Variants in CLMN observed in about 807,000 individuals in gnomAD.
CLMN encodes the protein calmin, also known as calmin (calponin-like, transmembrane).
CLMN carries 57 observed loss-of-function variants against 92.7 expected under a neutral mutation model. The observed-to-expected ratio is 0.61, with a 90% CI of 0.50 to 0.77. The LOEUF is 0.77. CLMN is among the 30% of genes least tolerant of loss of function. The probability of loss-of-function intolerance (pLI) is 0.00; values close to 1 mark genes in which losing one functional copy is unlikely to be tolerated. For missense variants in CLMN, 1,158 were observed against 1,237.5 expected, an observed-to-expected ratio of 0.94 and a Z score of 0.96; for synonymous variants, 466 against 470.6, an observed-to-expected ratio of 0.99 and a Z score of 0.13.
chr14:95,210,714 C>T lies in CLMN; in HGVS notation c.774G>A (p.Leu258=). 6.2e-7 allele frequency: 1 copy of T among 1,607,360 alleles called. No homozygotes were observed. Among genetic ancestry groups the T allele is most frequent in the Non-Finnish European group, 8.5e-7 (1 of 1,177,268 alleles). The change falls in exon 7 of 13, where the codon CTG becomes CTA. Residue 258 remains leucine, a synonymous_variant. Coordinates refer to ENST00000298912, the MANE Select transcript of CLMN (RefSeq NM_024734.4). ...CTGGCTCCAGGAGCCTGGGGATGTG[C>T]AGGGCATCCTGTGCGATGCTGAAAG... ...EKAFSIAQDA[L]HIPRLLEPED...
Position 95,186,276 on chromosome 14 carries a change from AT to A in CLMN, c.*5287del. ...AGTGCCTCTGCCTTCCCTCTGTTCC[AT>A]CCTGATAAAGAGCAGGCATGCACTG... On this transcript the variant is annotated 3_prime_UTR_variant, in exon 13 of 13. Transcript: ENST00000298912. The A allele has an allele frequency of 6.6e-6, 1 of 152,460 alleles. No homozygotes were observed. Among genetic ancestry groups the A allele is most frequent in the South Asian group, 2.1e-4 (1 of 4,826 alleles). The allele number at this position is 152,460 out of a possible 1,614,324, so 9.4% of individuals were successfully genotyped here. A position where few individuals can be genotyped will look rare whatever the true frequency, so the allele number is the denominator to read the frequency against.
At chr14:95,297,176 G>A (rs1900841240) in intron 1 of CLMN, among the ~76,000 whole-genome samples, 1 of 152,190 alleles carries the variant, frequency 6.6e-6, no homozygotes, top group Non-Finnish European at 1.5e-5. Flanking sequence ...GCTCAGTGGA[G>A]TTCCTGTGGT....
chr14:95,257,484 A>G (rs1899046635), intron 1 of CLMN, among the ~76,000 whole-genome samples: 1 of 152,252 alleles, frequency 6.6e-6, no homozygotes, highest in Admixed American at 6.5e-5. Flanking sequence ...GAATCTCATT[A>G]ATTCAAATTA....
intron 9 of CLMN, 140 bp from the exon 10 acceptor site, chr14:95,196,834 T>G: frequency 1.4e-6 from 1 of 735,794 alleles, no homozygotes; most frequent in Non-Finnish European, 2.2e-6. Context: ...TCTTCATGAA[T>G]CCCCTGCAGC....
At chr14:95,281,847 T>C (rs1332804382) in intron 1 of CLMN, among the ~76,000 whole-genome samples, 1 of 152,224 alleles carries the variant, frequency 6.6e-6, no homozygotes, top group Admixed American at 6.5e-5. Flanking sequence ...TGTCACCTAT[T>C]GTCAGAAGTC....
chr14:95,241,767 T>C (rs752975614), intron 1 of CLMN, among the ~76,000 whole-genome samples: 40 of 152,200 alleles, frequency 2.6e-4, no homozygotes, highest in Non-Finnish European at 5.0e-4. Flanking sequence ...ATGCATTCAT[T>C]TGAAAACAAA....
At position 95,203,433 on chromosome 14, in the gene CLMN, GCTT is replaced by G. The variant is rs1896946789; in HGVS notation, c.1913_1915del (p.Glu638del). On this transcript the variant is annotated inframe_deletion, in exon 9 of 13. Transcript: ENST00000298912. ...TTCTGGGGCTGAAGGACAGCCTTCA[GCTT>G]CTTCTCCGGAGTCCTGATGAGGTTC... 1.2e-6 allele frequency: 2 copies of G among 1,614,030 alleles called. No individual in the cohort carries two copies. Among genetic ancestry groups the G allele is most frequent in the African/African-American group, 2.7e-5 (2 of 74,892 alleles).
At chr14:95,270,547 T>C (rs1899667362) in intron 1 of CLMN, among the ~76,000 whole-genome samples, 1 of 152,256 alleles carries the variant, frequency 6.6e-6, no homozygotes, top group African/African-American at 2.4e-5. Context: ...TGTGGCCTTT[T>C]GGACTGGCTT....
At chr14:95,317,812 A>G (rs1024982131) in intron 1 of CLMN, among the ~76,000 whole-genome samples, 1 of 152,228 alleles carries the variant, frequency 6.6e-6, no homozygotes, top group African/African-American at 2.4e-5. Context: ...ACTCATACAT[A>G]AAGTTTTGTT....
At chr14:95,261,467 G>A (rs1251904775) in intron 1 of CLMN, among the ~76,000 whole-genome samples, 2 of 152,250 alleles carry the variant, frequency 1.3e-5, no homozygotes, top group Non-Finnish European at 2.9e-5. Context: ...AGCTACAAAT[G>A]TCATGTTACT....
chr14:95,215,815 CTGTGTGTGTGTGTGTGTGTG>C (rs57063101), intron 4 of CLMN, 82 bp from the exon 5 acceptor site: 42 of 571,752 alleles, frequency 7.3e-5, no homozygotes, highest in Admixed American at 3.7e-4. Context: ...CTCTCTCTCT[CTGTGTGTGTGTGTGTGTGTG>C]TGTGTGTGTG....
intron 9 of CLMN, 48 bp from the exon 10 acceptor site, chr14:95,196,742 G>GC: frequency 2.6e-6 from 4 of 1,567,944 alleles, no homozygotes; most frequent in Non-Finnish European, 3.5e-6. Flanking sequence ...ACGCTGCAGT[G>GC]TAAAGTAGGT....
At chr14:95,254,683 C>G (rs558878742) in intron 1 of CLMN, among the ~76,000 whole-genome samples, 28 of 152,266 alleles carry the variant, frequency 1.8e-4, no homozygotes, top group Middle Eastern at 3.4e-3. Context: ...TGTGACAATA[C>G]TATTCAAGAT....
chr14:95,263,695 A>G (rs1244846165), intron 1 of CLMN, among the ~76,000 whole-genome samples: 1 of 152,262 alleles, frequency 6.6e-6, no homozygotes, highest in Non-Finnish European at 1.5e-5. Flanking sequence ...AGCCTAGAGC[A>G]GCCAAAGAGA....
intron 1 of CLMN, among the ~76,000 whole-genome samples, chr14:95,286,558 G>T (rs1379643454): frequency 6.6e-6 from 1 of 152,082 alleles, no homozygotes; most frequent in Non-Finnish European, 1.5e-5. Flanking sequence ...TAGTGGTAAT[G>T]GTTGTACACT....
chr14:95,200,169 G>A (rs1430789863), intron 9 of CLMN, among the ~76,000 whole-genome samples: 1 of 152,006 alleles, frequency 6.6e-6, no homozygotes, highest in East Asian at 1.9e-4. Flanking sequence ...CCTCTACCCA[G>A]AACTTCCTCC....
intron 7 of CLMN, 145 bp downstream of exon 7, chr14:95,210,541 A>C: frequency 1.4e-6 from 1 of 694,816 alleles, no homozygotes; most frequent in Non-Finnish European, 2.3e-6. Context: ...TCGGAAAAAT[A>C]TCCATATGAT....
chr14:95,282,761 G>A (rs960658691), intron 1 of CLMN, among the ~76,000 whole-genome samples: 2 of 152,270 alleles, frequency 1.3e-5, no homozygotes, highest in African/African-American at 2.4e-5. Flanking sequence ...CAGAATCAGG[G>A]CCGGAAGGGG....
intron 4 of CLMN, among the ~76,000 whole-genome samples, chr14:95,220,713 TG>T (rs1897508991): frequency 6.6e-6 from 1 of 152,218 alleles, no homozygotes; most frequent in Non-Finnish European, 1.5e-5. Flanking sequence ...CCTTTGCCCC[TG>T]GAATGTGGGC....
Sources: allele counts gnomAD v4.1 joint callset (sites outside exome capture counted in the v4.1 genomes callset), GRCh38; gene constraint gnomAD v4.1.1; transcripts MANE v1.5; gene names NCBI Gene and HGNC (gene_info 2026-07-23, HGNC 2026-07-21).